Variants in HDAC1 observed in about 807,000 individuals in gnomAD.
HDAC1 encodes the protein protein deacetylase HDAC1.
Under a neutral mutation model 65.5 loss-of-function variants are expected in HDAC1, and 18 were observed. That is an observed-to-expected ratio of 0.27 (90% CI 0.19 to 0.41). The LOEUF is 0.41. Among genes scored for constraint, HDAC1 ranks in the 10% least tolerant of loss-of-function variants. HDAC1 has a pLI of 1.00. For missense variants in HDAC1, 373 were observed against 625.2 expected (o/e 0.60, Z 4.30); for synonymous variants, 211 against 227.9 (o/e 0.93, Z 0.67).
At chr1:32,324,139 T>C (rs1176557004) in intron 3 of HDAC1, among the ~76,000 whole-genome samples, 1 of 150,288 alleles carries the variant, frequency 6.7e-6, no homozygotes, top group Non-Finnish European at 1.5e-5. Context: ...CTGGGTATAG[T>C]GGCATGCACC....
chr1:32,322,214 T>C (rs1415320415), intron 3 of HDAC1, among the ~76,000 whole-genome samples: 1 of 151,968 alleles, frequency 6.6e-6, no homozygotes, highest in Non-Finnish European at 1.5e-5. Flanking sequence ...AGAGAATAAG[T>C]ATGCAGCCCC....
intron 3 of HDAC1, among the ~76,000 whole-genome samples, chr1:32,317,197 T>C (rs1411664754): frequency 6.6e-6 from 1 of 152,142 alleles, no homozygotes; most frequent in Admixed American, 6.6e-5. Flanking sequence ...TTTGACTTAG[T>C]GGGTATTAAT....
In HDAC1 at chr1:32,327,525, T is replaced by G. The variant is rs1284724013; in HGVS notation, c.495-11T>G. On this transcript the variant is annotated splice_polypyrimidine_tract_variant and intron_variant, in intron 5 of 13. Coordinates refer to ENST00000373548, the MANE Select transcript of HDAC1 (RefSeq NM_004964.3). This position sits in a 1 kb window ranked among gnomAD's most constrained non-coding sequence, Gnocchi z 6.0. ...AGAGCCCCCAGACCCCTGACCCCCT[T>G]CTGATCCTAGGTATCACCAGAGGGT... The G allele has an allele frequency of 6.2e-7, 1 of 1,610,850 alleles. No homozygotes were observed.
chr1:32,295,699 T>A (rs777060425), intron 1 of HDAC1, among the ~76,000 whole-genome samples: 31 of 152,208 alleles, frequency 2.0e-4, no homozygotes, highest in Non-Finnish European at 3.8e-4. Context: ...GGGGAATATG[T>A]TTCCAACACA....
chr1:32,327,393 C>A lies in HDAC1; in HGVS notation c.495-143C>A. The A allele has an allele frequency of 1.4e-6, 1 of 722,114 alleles. No homozygotes were observed. The highest frequency in any genetic ancestry group is 2.4e-6 in the Non-Finnish European group (1 of 415,996). The allele number at this position is 722,114 out of a possible 1,614,324, so 44.7% of individuals were successfully genotyped here. On this transcript the variant is annotated intron_variant, in intron 5 of 13. Transcript: ENST00000373548. The surrounding 1 kb of genome is among the most constrained non-coding windows in gnomAD (Gnocchi z 6.0). The stretch of plus-strand genomic sequence containing the variant: ...CTCTGGAGACACCCGGCCGCTCTTC[C>A]ACCTTCCTTCAGCCAGTTTCCACGT...
chr1:32,304,002 C>T (rs146134100), intron 2 of HDAC1, among the ~76,000 whole-genome samples: 195 of 152,244 alleles, frequency 1.3e-3, no homozygotes, highest in African/African-American at 4.5e-3. Flanking sequence ...TGAGGAGGAA[C>T]AAGTGAAGGG....
At chr1:32,307,366 G>C (rs1286837363) in intron 2 of HDAC1, among the ~76,000 whole-genome samples, 1 of 152,268 alleles carries the variant, frequency 6.6e-6, no homozygotes, top group East Asian at 1.9e-4. Context: ...AGGAAGCACA[G>C]CACAGCTTCT....
chr1:32,299,926 C>T (rs1207943701), intron 1 of HDAC1, among the ~76,000 whole-genome samples: 6 of 152,098 alleles, frequency 3.9e-5, no homozygotes, highest in African/African-American at 1.4e-4. Context: ...GGCTTGATGG[C>T]AGGCATCTGT....
At chr1:32,326,863 C>G in intron 4 of HDAC1, 76 bp from the exon 5 acceptor site, 1 of 1,546,038 alleles carries the variant, frequency 6.5e-7, no homozygotes, top group Non-Finnish European at 8.9e-7. Context: ...TAACCTTTCA[C>G]TAGGTTCCCT....
Position 32,327,733 on chromosome 1 carries a change from T to C in HDAC1, c.636+56T>C, listed in dbSNP as rs1204436852. On this transcript the variant is annotated intron_variant, in intron 6 of 13. Coordinates refer to ENST00000373548, the MANE Select transcript of HDAC1 (RefSeq NM_004964.3). The surrounding 1 kb of genome is among the most constrained non-coding windows in gnomAD (Gnocchi z 6.0). The stretch of plus-strand genomic sequence containing the variant: ...TACCCTCAGCTGGCAGCTCTACTTC[T>C]CTCTCCTATCTCATGCCACTAAAAA... The C allele has an allele frequency of 1.3e-6, 2 of 1,538,712 alleles. No individual in the cohort carries two copies. The highest frequency in any genetic ancestry group is 2.2e-5 in the South Asian group (2 of 89,336).
intron 1 of HDAC1, among the ~76,000 whole-genome samples, chr1:32,298,280 G>A (rs544611727): frequency 1.8e-4 from 27 of 151,462 alleles, no homozygotes; most frequent in Admixed American, 8.6e-4. Context: ...TAGAGACGGG[G>A]TTTCTCCATG....
At chr1:32,328,937 G>A (rs984887215) in intron 6 of HDAC1, 131 bp from the exon 7 acceptor site, 4 of 701,376 alleles carry the variant, frequency 5.7e-6, no homozygotes, top group African/African-American at 3.5e-5. Flanking sequence ...AGGTACCTCT[G>A]TTCTGTCCTG....
At chr1:32,316,543 T>C (rs926162497) in intron 2 of HDAC1, 122 bp from the exon 3 acceptor site, 5 of 661,744 alleles carry the variant, frequency 7.6e-6, no homozygotes, top group Non-Finnish European at 5.5e-6. Context: ...TAACCAGTTA[T>C]TTCTTTTTAT....
chr1:32,298,854 C>T (rs1488710983), intron 1 of HDAC1, among the ~76,000 whole-genome samples: 6 of 151,984 alleles, frequency 3.9e-5, no homozygotes, highest in African/African-American at 9.7e-5. Flanking sequence ...AAAACTTAGC[C>T]AGGCGTGGTG....
At chr1:32,320,769 A>T (rs983065162) in intron 3 of HDAC1, among the ~76,000 whole-genome samples, 1 of 151,410 alleles carries the variant, frequency 6.6e-6, no homozygotes, top group Admixed American at 6.6e-5. Context: ...GTGTGGTGGT[A>T]TATGCCTGTA....
chr1:32,300,840 A>G (rs1320999083), intron 1 of HDAC1, among the ~76,000 whole-genome samples: 1 of 152,184 alleles, frequency 6.6e-6, no homozygotes, highest in Non-Finnish European at 1.5e-5. Flanking sequence ...CAGATAGTAA[A>G]TATTTTAGGC....
chr1:32,313,345 T>C (rs1002930991), intron 2 of HDAC1, among the ~76,000 whole-genome samples: 4 of 152,088 alleles, frequency 2.6e-5, no homozygotes, highest in Non-Finnish European at 4.4e-5. Context: ...GCCACCCACC[T>C]CGGCCTCCCA....
Position 32,331,360 on chromosome 1 carries a change from C to G in HDAC1, c.980-114C>G. 1.5e-6 allele frequency: 1 copy of G among 675,024 alleles called. No homozygotes were observed. Among genetic ancestry groups the G allele is most frequent in the Non-Finnish European group, 2.7e-6 (1 of 372,660 alleles). 41.8% of individuals were successfully genotyped at this position (675,024 alleles called of 1,614,324 possible). ...CACAGTGTCTTGGAGGCATTCTCCT[C>G]TGTTTGGATAAATAGGCCCAGAGAA... On this transcript the variant is annotated intron_variant, in intron 9 of 13. Transcript: ENST00000373548. The surrounding 1 kb of genome is among the most constrained non-coding windows in gnomAD (Gnocchi z 4.2).
chr1:32,295,886 C>A (rs890824046), intron 1 of HDAC1, among the ~76,000 whole-genome samples: 73 of 152,230 alleles, frequency 4.8e-4, no homozygotes, highest in African/African-American at 1.7e-3. Flanking sequence ...ACCCACCATT[C>A]CTGGCTGCTA....
Sources: allele counts gnomAD v4.1 joint callset (sites outside exome capture counted in the v4.1 genomes callset), GRCh38; gene constraint gnomAD v4.1.1; non-coding constraint Gnocchi (gnomAD v3.1); transcripts MANE v1.5; gene names NCBI Gene and HGNC (gene_info 2026-07-23, HGNC 2026-07-21).